The following MTR variants were observed in gnomAD, a reference collection of about 807,000 sequenced individuals.
MTR encodes 5-methyltetrahydrofolate-homocysteine methyltransferase.
MTR carries 84 observed loss-of-function variants against 154.8 expected under a neutral mutation model. The observed-to-expected ratio is 0.54, with a 90% CI of 0.45 to 0.65. MTR has a LOEUF of 0.65. Among genes scored for constraint, MTR ranks in the 30% least tolerant of loss-of-function variants. The pLI is 0.00. For synonymous variants in MTR, 554 were observed against 553.9 expected, an observed-to-expected ratio of 1.00 and a Z score of 0.00; for missense variants, 1,275 against 1,570.2, an observed-to-expected ratio of 0.81 and a Z score of 3.18.
intron 20 of MTR, 130 bp from the exon 21 acceptor site, chr1:236,862,106 A>G (rs1664579421): frequency 1.3e-6 from 1 of 791,204 alleles, no homozygotes; most frequent in Non-Finnish European, 2.3e-6. Flanking sequence ...GCCTACTGTC[A>G]AAAGACTCCA....
intron 9 of MTR, 26 bp downstream of exon 9, chr1:236,824,245 TGGG>T (rs761529186): frequency 9.1e-5 from 139 of 1,534,732 alleles, no homozygotes; most frequent in Admixed American, 5.0e-5. Context: ...GGGTCACACA[TGGG>T]GAGATAAAAA....
chr1:236,860,492 C>A (rs1664474962), intron 19 of MTR, among the ~76,000 whole-genome samples: 1 of 151,774 alleles, frequency 6.6e-6, no homozygotes, highest in African/African-American at 2.4e-5. Context: ...GCTAGTTGGC[C>A]AATCCAAGGA....
Position 236,891,185 on chromosome 1 carries a change from GATTAGTC to G in MTR, c.3062_3068del (p.Ile1021LysfsTer37). 6.2e-7 allele frequency: 1 copy of G among 1,614,208 alleles called. No homozygotes were observed. Among genetic ancestry groups the G allele is most frequent in the Non-Finnish European group, 8.5e-7 (1 of 1,180,026 alleles). ...ATGCCCACAATATGCTGAACACACT[GATTAGTC>G]AAAAGAAACTCCGGGCCCGGGGTGT... On this transcript the variant is annotated frameshift_variant, in exon 29 of 33. Coordinates refer to ENST00000366577, the MANE Select transcript of MTR (RefSeq NM_000254.3). LOFTEE classifies it high-confidence loss of function.
At chr1:236,826,381 T>G (rs1338856733) in intron 10 of MTR, among the ~76,000 whole-genome samples, 1 of 152,110 alleles carries the variant, frequency 6.6e-6, no homozygotes, top group Admixed American at 6.5e-5. Flanking sequence ...ACTGTAGCTT[T>G]GAACTCCTGG....
In MTR at chr1:236,812,852, A is replaced by G. The variant is rs1661381466; in HGVS notation, c.609+8A>G. 1 of 1,611,718 alleles carries G rather than the reference A, an allele frequency of 6.2e-7. No individual in the cohort carries two copies. Among genetic ancestry groups the G allele is most frequent in the Non-Finnish European group, 8.5e-7 (1 of 1,177,846 alleles). On this transcript the variant is annotated splice_region_variant and intron_variant, in intron 6 of 32. Transcript: ENST00000366577. ...GATACTGCCAATGCCAAGGTGAGTT[A>G]AGGGAGAAAAAACAGACAAGGCTGG...
chr1:236,796,725 G>T (rs1187805437), intron 1 of MTR, among the ~76,000 whole-genome samples: 1 of 147,580 alleles, frequency 6.8e-6, no homozygotes, highest in Non-Finnish European at 1.5e-5. Context: ...CCTATGAGAG[G>T]TTTATATGTT....
At chr1:236,842,977 T>TG (rs1663348889) in intron 15 of MTR, among the ~76,000 whole-genome samples, 1 of 149,936 alleles carries the variant, frequency 6.7e-6, no homozygotes, top group Non-Finnish European at 1.5e-5. Context: ...TCCTAGCTAC[T>TG]GGGGAGGCTG....
intron 12 of MTR, among the ~76,000 whole-genome samples, chr1:236,830,037 ATATTGTCC>A (rs1229870349): frequency 2.6e-5 from 4 of 152,228 alleles, no homozygotes; most frequent in Non-Finnish European, 5.9e-5. Context: ...TTTGTTTTGT[ATATTGTCC>A]TATGAAAAGT....
chr1:236,840,225 T>G (rs910831156), intron 15 of MTR, among the ~76,000 whole-genome samples: 5 of 152,260 alleles, frequency 3.3e-5, no homozygotes, highest in African/African-American at 7.2e-5. Flanking sequence ...TTTTGATCAT[T>G]AACATATATT....
chr1:236,818,483 GT>G (rs757881846), intron 8 of MTR, among the ~76,000 whole-genome samples: 13 of 152,134 alleles, frequency 8.5e-5, no homozygotes, highest in Non-Finnish European at 1.9e-4. Context: ...AATAATTTAT[GT>G]TTTTATTTCT....
At chr1:236,858,063 C>A (rs1664304142) in intron 18 of MTR, among the ~76,000 whole-genome samples, 2 of 152,130 alleles carry the variant, frequency 1.3e-5, no homozygotes, top group Admixed American at 1.3e-4. Context: ...CAGAAGTGTT[C>A]TGGATGGCTG....
chr1:236,822,334 G>A (rs1162384716), intron 8 of MTR, among the ~76,000 whole-genome samples: 3 of 126,942 alleles, frequency 2.4e-5, no homozygotes, highest in Non-Finnish European at 4.9e-5. Context: ...TTTTGAGACA[G>A]CATCTTGCTG....
chr1:236,894,248 T>C lies in MTR; in HGVS notation c.3205-109T>C. Reference sequence around the variant, plus strand: ...CACAATACAGGCTGCCATCTGTGCGTTGTGAAGCTTATTCTCATTTGACGA... The same window carrying C: ...CACAATACAGGCTGCCATCTGTGCGCTGTGAAGCTTATTCTCATTTGACGA... On this transcript the variant is annotated intron_variant, in intron 29 of 32. Transcript: ENST00000366577. The C allele has an allele frequency of 4.8e-6, 5 of 1,043,646 alleles. No individual in the cohort carries two copies. In the South Asian group the frequency reaches 6.6e-5, roughly 14 times the overall value. The allele number at this position is 1,043,646 out of a possible 1,614,324, so 64.6% of individuals were successfully genotyped here.
chr1:236,804,899 T>G (rs1170526690), intron 2 of MTR, among the ~76,000 whole-genome samples: 4 of 152,168 alleles, frequency 2.6e-5, no homozygotes, highest in Non-Finnish European at 4.4e-5. Context: ...TGTCATGCTT[T>G]ACGTATCATT....
intron 2 of MTR, 139 bp from the exon 3 acceptor site, chr1:236,806,005 A>G (rs887339392): frequency 3.1e-5 from 23 of 735,498 alleles, no homozygotes; most frequent in Non-Finnish European, 4.3e-5. Flanking sequence ...TTGCATCTCT[A>G]CCTTCTAATG....
chr1:236,856,206 G>C (rs1277531291), intron 18 of MTR, among the ~76,000 whole-genome samples: 1 of 152,050 alleles, frequency 6.6e-6, no homozygotes, highest in African/African-American at 2.4e-5. Flanking sequence ...AGAGTGTTTG[G>C]AACACACCGC....
chr1:236,809,073 T>G (rs1193290118), intron 4 of MTR, among the ~76,000 whole-genome samples: 2 of 152,238 alleles, frequency 1.3e-5, no homozygotes, highest in African/African-American at 4.8e-5. Flanking sequence ...TGAAATAATT[T>G]ATGTCTCTTT....
At chr1:236,862,687 G>C (rs138223367) in intron 21 of MTR, among the ~76,000 whole-genome samples, 26 of 152,328 alleles carry the variant, frequency 1.7e-4, no homozygotes, top group Admixed American at 5.9e-4. Context: ...TCAAAGGTCT[G>C]TCCCCGCCCT....
At chr1:236,812,404 G>A (rs902377897) in intron 5 of MTR, among the ~76,000 whole-genome samples, 4 of 152,204 alleles carry the variant, frequency 2.6e-5, no homozygotes, top group African/African-American at 9.7e-5. Context: ...CCGGTTGATT[G>A]AAATGAGCTA....
Sources: allele counts gnomAD v4.1 joint callset (sites outside exome capture counted in the v4.1 genomes callset), GRCh38; gene constraint gnomAD v4.1.1; transcripts MANE v1.5; gene names NCBI Gene and HGNC (gene_info 2026-07-23, HGNC 2026-07-21).